PCDHGB2: variants seen among roughly 807,000 people sequenced by gnomAD.
PCDHGB2 encodes protocadherin gamma subfamily B, 2.
In PCDHGB2, 55 loss-of-function variants were observed where a neutral mutation model predicts 59.3. That is an observed-to-expected ratio of 0.93 (90% CI 0.75 to 1.16). The LOEUF (loss-of-function observed/expected upper bound fraction) is 1.16, where lower values mean the gene tolerates loss of function less well. PCDHGB2 is among the 50% of genes most tolerant of loss of function. PCDHGB2 has a pLI of 0.00. For synonymous variants in PCDHGB2, 516 were observed against 512.0 expected (o/e 1.01, Z -0.11); for missense variants, 1,228 against 1,198.5 (o/e 1.02, Z -0.36).
chr5:141,400,521 G>A (rs1462677478), intron 1 of PCDHGB2: 5 of 1,613,972 alleles, frequency 3.1e-6, no homozygotes, highest in Non-Finnish European at 4.2e-6. Context: ...CCCATCCTGA[G>A]TTGGTGAGTT....
At chr5:141,398,282 C>T in intron 1 of PCDHGB2, 2 of 1,401,814 alleles carry the variant, frequency 1.4e-6, no homozygotes, top group South Asian at 2.6e-5. Context: ...AACCTCGCCA[C>T]GGACCTGGGG....
chr5:141,383,147 G>C, intron 1 of PCDHGB2: 1 of 1,614,150 alleles, frequency 6.2e-7, no homozygotes, highest in South Asian at 1.1e-5. Flanking sequence ...CGCAGCGGCA[G>C]CTTGGTCACT....
At chr5:141,505,827 TCA>T (rs1197972266) in intron 3 of PCDHGB2, among the ~76,000 whole-genome samples, 4 of 152,072 alleles carry the variant, frequency 2.6e-5, no homozygotes, top group South Asian at 4.1e-4. Context: ...TCTCTAAACC[TCA>T]GTTTCCTCAG....
In PCDHGB2 at chr5:141,485,798, C is replaced by T. The variant is rs764109672; in HGVS notation, c.2422-9009C>T. The T allele has an allele frequency of 2.0e-5, 32 of 1,614,172 alleles. No individual in the cohort carries two copies. The highest frequency in any genetic ancestry group is 1.1e-4 in the East Asian group (5 of 44,876). ...GGATCGAGAGAAGCAATCGGACTAC[C>T]GCCTGGTGCTGACTGCTGTCGATGG... is the stretch of plus-strand genomic sequence containing the variant. On this transcript the variant is annotated intron_variant, in intron 1 of 3. Coordinates refer to ENST00000522605, the MANE Select transcript of PCDHGB2 (RefSeq NM_018923.3). The surrounding 1 kb of genome is among the most constrained non-coding windows in gnomAD (Gnocchi z 5.7).
intron 1 of PCDHGB2, chr5:141,415,268 T>C: frequency 6.2e-7 from 1 of 1,614,174 alleles, no homozygotes; most frequent in Non-Finnish European, 8.5e-7. Flanking sequence ...CTGTACCTGG[T>C]GGTAGCGGTG....
intron 1 of PCDHGB2, chr5:141,414,476 C>G (rs1242647918): frequency 6.2e-7 from 1 of 1,613,920 alleles, no homozygotes; most frequent in Non-Finnish European, 8.5e-7. Context: ...GGGGGAAGTC[C>G]TCCTCTATCA....
chr5:141,484,697 T>C (rs746981788), intron 1 of PCDHGB2, among the ~76,000 whole-genome samples: 11 of 151,988 alleles, frequency 7.2e-5, no homozygotes, highest in Non-Finnish European at 1.3e-4. Context: ...AGGCTGTGGC[T>C]GTTTTCCCCG....
intron 1 of PCDHGB2, chr5:141,370,342 A>G (rs968653011): frequency 1.3e-5 from 19 of 1,475,912 alleles, no homozygotes; most frequent in Non-Finnish European, 1.7e-5. Flanking sequence ...TCTTGGGATT[A>G]TTTAAAGATC....
chr5:141,360,370 C>A lies in PCDHGB2; in HGVS notation c.235C>A (p.Pro79Thr), dbSNP rs115198789. The change falls in exon 1 of 4, where the codon CCA becomes ACA. Residue 79 changes from proline to threonine, a missense_variant. Pro to Thr is a conservative substitution (Grantham distance 38). Coordinates refer to ENST00000522605, the MANE Select transcript of PCDHGB2 (RefSeq NM_018923.3). ...GGAGAAGGAATATTTCACAGTAAAC[C>A]CAGAAAGCGGAGACTTACTTGTGAG... ...SAEKEYFTVN[P>T]ESGDLLVSDR... The A allele has an allele frequency of 5.9e-5, 95 of 1,613,810 alleles. No homozygotes were observed. The highest frequency in any genetic ancestry group is 3.1e-4 in the African/African-American group (23 of 75,012).
chr5:141,421,924 G>A, intron 1 of PCDHGB2: 1 of 1,613,564 alleles, frequency 6.2e-7, no homozygotes, highest in South Asian at 1.1e-5. Context: ...TCGTGTGGTG[G>A]TCCTCGATGT....
In PCDHGB2 at chr5:141,453,101, TTTTTG is replaced by T. The variant is rs879618609; in HGVS notation, c.2422-41681_2422-41677del. ...GTTGATTAGTATATTTTCTGTTGCT[TTTTTG>T]TTTTGTTTTGTTTTGTTTTGTTTTT... On this transcript the variant is annotated intron_variant, in intron 1 of 3. Transcript: ENST00000522605. 4.4e-4 allele frequency among the ~76,000 whole-genome samples: 67 copies of T among 152,130 alleles called. 1 individual carries two copies. Among genetic ancestry groups the T allele is most frequent in the African/African-American group, 1.4e-3 (58 of 41,484 alleles).
chr5:141,510,954 T>G lies in PCDHGB2; in HGVS notation c.2577T>G (p.Ala859=), dbSNP rs774590102. The change falls in exon 4 of 4, where the codon GCT becomes GCG. Residue 859 remains alanine, a synonymous_variant. Coordinates refer to ENST00000522605, the MANE Select transcript of PCDHGB2 (RefSeq NM_018923.3). ...AMILASASEA[A]DGSSTLGGGA... ...CTTCCTCTGTCTCTGCAGAAGCTGC[T>G]GATGGGAGCTCCACCCTGGGAGGGG... is the stretch of plus-strand genomic sequence containing the variant. The G allele has an allele frequency of 3.1e-6, 5 of 1,614,162 alleles. No homozygotes were observed. The Admixed American group carries it at 8.3e-5, about 27-fold the overall frequency.
At chr5:141,443,499 A>T (rs533910381) in intron 1 of PCDHGB2, among the ~76,000 whole-genome samples, 1 of 152,268 alleles carries the variant, frequency 6.6e-6, no homozygotes, top group African/African-American at 2.4e-5. Context: ...ACAAACAAAC[A>T]AATAAAGAGC....
intron 1 of PCDHGB2, chr5:141,365,375 C>A (rs752434944): frequency 9.3e-6 from 15 of 1,613,942 alleles, no homozygotes; most frequent in Non-Finnish European, 1.3e-5. Flanking sequence ...CGAAGTGATC[C>A]TCACCTCTCT....
intron 1 of PCDHGB2, chr5:141,418,101 G>A (rs965772298): frequency 3.7e-6 from 6 of 1,614,082 alleles, no homozygotes; most frequent in Non-Finnish European, 5.1e-6. Flanking sequence ...GACGCGCAGA[G>A]CGGGGACTTA....
Position 141,399,593 on chromosome 5 carries a change from C to A in PCDHGB2, c.2421+37037C>A, listed in dbSNP as rs201515317. 170 of 1,613,988 alleles carry A rather than the reference C, an allele frequency of 1.1e-4. 1 individual carries two copies. The African/African-American group carries it at 1.5e-3, about 14-fold the overall frequency. On this transcript the variant is annotated intron_variant, in intron 1 of 3. Coordinates refer to ENST00000522605, the MANE Select transcript of PCDHGB2 (RefSeq NM_018923.3). Reference sequence around the variant, plus strand: ...GGCCAAGTCTCCTACTCTATCATGGCCAGCGACCTAGAGCCTCTGGCACTG... The same window carrying A: ...GGCCAAGTCTCCTACTCTATCATGGACAGCGACCTAGAGCCTCTGGCACTG...
Position 141,476,790 on chromosome 5 carries a change from C to T in PCDHGB2, c.2422-18017C>T. ...TTGGACGGAGGGACCCCAGCTCTCT[C>T]CGCCAGCCTGCCTATTCACATCAAG... On this transcript the variant is annotated intron_variant, in intron 1 of 3. Coordinates refer to ENST00000522605, the MANE Select transcript of PCDHGB2 (RefSeq NM_018923.3). This position sits in a 1 kb window ranked among gnomAD's most constrained non-coding sequence, Gnocchi z 7.6. 1 of 1,613,606 alleles carries T rather than the reference C, an allele frequency of 6.2e-7. No homozygotes were observed. Among genetic ancestry groups the T allele is most frequent in the South Asian group, 1.1e-5 (1 of 91,084 alleles).
At position 141,398,847 on chromosome 5, in the gene PCDHGB2, G is replaced by C. The variant is rs773663002; in HGVS notation, c.2421+36291G>C. ...TAACCGACGCCAATGATAATCCCCC[G>C]GTATTCAACCGAGACGTGTACAGAG... On this transcript the variant is annotated intron_variant, in intron 1 of 3. Coordinates refer to ENST00000522605, the MANE Select transcript of PCDHGB2 (RefSeq NM_018923.3). The C allele has an allele frequency of 3.8e-5, 62 of 1,613,758 alleles. 1 individual carries two copies. In the Admixed American group the frequency reaches 1.0e-3, roughly 27 times the overall value.
chr5:141,421,383 C>A lies in PCDHGB2; in HGVS notation c.2421+58827C>A, dbSNP rs754951142. The A allele has an allele frequency of 2.5e-6, 4 of 1,614,034 alleles. 1 individual carries two copies. The highest frequency in any genetic ancestry group is 8.5e-7 in the Non-Finnish European group (1 of 1,179,910). On this transcript the variant is annotated intron_variant, in intron 1 of 3. Transcript: ENST00000522605. ...CCTTCGTGGGCAATATCTCCAAGGA[C>A]CTGGGGCTGGAGCCCCGGGAGCTGG...
Sources: gnomAD v4.1 joint callset for allele counts (sites outside exome capture counted in the v4.1 genomes callset) on GRCh38, gnomAD v4.1.1 for gene constraint, Gnocchi (gnomAD v3.1) non-coding constraint, MANE v1.5 for transcripts, NCBI Gene and HGNC (gene_info 2026-07-23, HGNC 2026-07-21) for gene names.